PCDH9: variants seen among roughly 807,000 people sequenced by gnomAD.
The protein encoded by PCDH9 is protocadherin 9.
PCDH9 carries 24 observed loss-of-function variants against 70.6 expected under a neutral mutation model. The observed-to-expected ratio is 0.34, with a 90% CI of 0.25 to 0.48. The LOEUF is 0.48. Ranked by LOEUF, PCDH9 falls within the 20% of genes least tolerant of loss-of-function variation. The pLI is 0.99. For missense variants in PCDH9, 1,281 were observed against 1,503.6 expected (o/e 0.85, Z 2.45); for synonymous variants, 562 against 558.5 (o/e 1.01, Z -0.09).
Position 67,187,502 on chromosome 13 carries a change from A to G in PCDH9, c.3036+37903T>C, listed in dbSNP as rs574653708. ...ACATCTTTAAATGGTACAGCTACAA[A>G]ATGCTATTTTTCTAAAATACAACTG... On this transcript the variant is annotated intron_variant, in intron 2 of 4. Transcript: ENST00000377865. Among the ~76,000 whole-genome samples, 6 of 152,286 alleles carry G rather than the reference A, an allele frequency of 3.9e-5. No individual in the cohort carries two copies. The South Asian group carries it at 1.2e-3, about 32-fold the overall frequency.
At chr13:66,787,453 T>A (rs9529141) in intron 3 of PCDH9, among the ~76,000 whole-genome samples, 67,808 of 151,558 alleles carry the variant, frequency 0.45, 16,804 homozygotes, top group Middle Eastern at 0.61. Flanking sequence ...CCATGTCTAC[T>A]AAAAATACAA....
intron 2 of PCDH9, among the ~76,000 whole-genome samples, chr13:67,185,880 G>GCC (rs2088744530): frequency 6.6e-6 from 1 of 152,038 alleles, no homozygotes; most frequent in East Asian, 1.9e-4. Context: ...TTACAGGCAT[G>GCC]AGCCACCACA....
At chr13:66,336,567 C>A (rs1311156563) in intron 4 of PCDH9, among the ~76,000 whole-genome samples, 3 of 151,834 alleles carry the variant, frequency 2.0e-5, no homozygotes, top group Non-Finnish European at 2.9e-5. Flanking sequence ...TGCCAAATAA[C>A]CTTTGATGGA....
chr13:67,195,370 C>G (rs2089034538), intron 2 of PCDH9, among the ~76,000 whole-genome samples: 1 of 152,068 alleles, frequency 6.6e-6, no homozygotes, highest in African/African-American at 2.4e-5. Context: ...GTCTCGATCT[C>G]CTGACCCTGT....
intron 2 of PCDH9, among the ~76,000 whole-genome samples, chr13:67,009,855 A>T (rs1342918265): frequency 2.0e-5 from 3 of 152,018 alleles, no homozygotes; most frequent in Non-Finnish European, 4.4e-5. Context: ...AAACAAAGAC[A>T]TGCAACAGAT....
At chr13:67,188,333 T>A (rs1256735868) in intron 2 of PCDH9, among the ~76,000 whole-genome samples, 3 of 152,160 alleles carry the variant, frequency 2.0e-5, no homozygotes, top group Admixed American at 2.0e-4. Context: ...TCCTAATCTT[T>A]ATTGAATCTA....
At chr13:66,792,291 A>G (rs902728557) in intron 3 of PCDH9, among the ~76,000 whole-genome samples, 4 of 152,186 alleles carry the variant, frequency 2.6e-5, no homozygotes, top group African/African-American at 9.7e-5. Context: ...GTGAACATAG[A>G]TTTTATTAAA....
chr13:66,664,777 C>T (rs2078069713), intron 3 of PCDH9, among the ~76,000 whole-genome samples: 1 of 151,988 alleles, frequency 6.6e-6, no homozygotes, highest in South Asian at 2.1e-4. Flanking sequence ...CCATCATTTC[C>T]TCTATATTCT....
At chr13:66,596,170 T>C (rs1278041621) in intron 4 of PCDH9, among the ~76,000 whole-genome samples, 3 of 151,608 alleles carry the variant, frequency 2.0e-5, no homozygotes, top group Non-Finnish European at 3.0e-5. Flanking sequence ...TTGTCTTCCA[T>C]GTTCTGTAGG....
intron 4 of PCDH9, among the ~76,000 whole-genome samples, chr13:66,566,552 C>T (rs564575578): frequency 4.3e-4 from 66 of 152,224 alleles, no homozygotes; most frequent in African/African-American, 1.5e-3. Context: ...TAAGAGAGTT[C>T]ATAATACAAA....
intron 3 of PCDH9, among the ~76,000 whole-genome samples, chr13:66,670,156 C>T (rs2078152598): frequency 6.6e-6 from 1 of 152,122 alleles, no homozygotes. Flanking sequence ...AATATTATAT[C>T]ACATTATGAG....
At chr13:66,936,039 C>G (rs796150876) in intron 2 of PCDH9, among the ~76,000 whole-genome samples, 21 of 152,242 alleles carry the variant, frequency 1.4e-4, no homozygotes, top group African/African-American at 4.8e-4. Context: ...GAGCTGAGAT[C>G]GCACCACTGC....
chr13:66,683,325 T>A (rs1472466683), intron 3 of PCDH9, among the ~76,000 whole-genome samples: 1 of 152,220 alleles, frequency 6.6e-6, no homozygotes, highest in African/African-American at 2.4e-5. Context: ...CATTAGTTAT[T>A]GCCCTCAATG....
At chr13:66,819,587 T>C (rs1409580225) in intron 3 of PCDH9, among the ~76,000 whole-genome samples, 1 of 152,200 alleles carries the variant, frequency 6.6e-6, no homozygotes, top group Admixed American at 6.5e-5. Context: ...GTATCTGTTG[T>C]AACTTTTGAA....
intron 2 of PCDH9, among the ~76,000 whole-genome samples, chr13:66,947,384 C>G (rs527510252): frequency 6.6e-6 from 1 of 152,128 alleles, no homozygotes; most frequent in East Asian, 1.9e-4. Context: ...AAAAAATAAT[C>G]TTTTCTATAA....
intron 4 of PCDH9, among the ~76,000 whole-genome samples, chr13:66,592,290 C>T (rs2138819507): frequency 6.6e-6 from 1 of 151,590 alleles, no homozygotes. Context: ...AATCCCCTGC[C>T]CTTGTTAACT....
intron 4 of PCDH9, among the ~76,000 whole-genome samples, chr13:66,481,942 GCACACACA>G (rs10611896): frequency 6.7e-6 from 1 of 148,616 alleles, no homozygotes; most frequent in Non-Finnish European, 1.5e-5. Flanking sequence ...ACACATGCAC[GCACACACA>G]CACACACACA....
At position 67,167,717 on chromosome 13, in the gene PCDH9, T is replaced by C. The variant is rs74095385; in HGVS notation, c.3036+57688A>G. 6.7e-3 allele frequency among the ~76,000 whole-genome samples: 1,022 copies of C among 152,348 alleles called. 13 individuals are homozygous for C. The highest frequency in any genetic ancestry group is 0.023 in the African/African-American group (963 of 41,588). ...TAGCCTTTTAAACATGCTGAAGTTC[T>C]AAACTCCATTTTATCTAAATATTCT... On this transcript the variant is annotated intron_variant, in intron 2 of 4. Coordinates refer to ENST00000377865, the MANE Select transcript of PCDH9 (RefSeq NM_203487.3).
At chr13:66,661,834 T>A (rs2078013276) in intron 3 of PCDH9, among the ~76,000 whole-genome samples, 1 of 152,224 alleles carries the variant, frequency 6.6e-6, no homozygotes, top group Admixed American at 6.5e-5. Flanking sequence ...AGTCAATTTG[T>A]ATTTATAATC....
Sources: allele counts gnomAD v4.1 joint callset (sites outside exome capture counted in the v4.1 genomes callset), GRCh38; gene constraint gnomAD v4.1.1; transcripts MANE v1.5; gene names NCBI Gene and HGNC (gene_info 2026-07-23, HGNC 2026-07-21).